BANK1: variants seen among roughly 807,000 people sequenced by gnomAD.
BANK1 encodes the protein B cell scaffold protein with ankyrin repeats 1, also known as B-cell scaffold protein with ankyrin repeats.
In BANK1, 95 loss-of-function variants were observed where a neutral mutation model predicts 94.5. The ratio of observed to expected loss-of-function variants is 1.00; its 90% CI spans 0.85 to 1.19. The LOEUF is 1.19. Ranked by LOEUF, BANK1 falls within the 50% of genes most tolerant of loss-of-function variation. The probability of loss-of-function intolerance (pLI) is 0.00; values close to 1 mark genes in which losing one functional copy is unlikely to be tolerated. For synonymous variants in BANK1, 334 were observed against 308.4 expected, an observed-to-expected ratio of 1.08 and a Z score of -0.87; for missense variants, 987 against 932.2, an observed-to-expected ratio of 1.06 and a Z score of -0.77.
At chr4:101,910,800 A>G (rs1040910473) in intron 6 of BANK1, among the ~76,000 whole-genome samples, 4 of 152,024 alleles carry the variant, frequency 2.6e-5, no homozygotes, top group African/African-American at 4.8e-5. Context: ...ACCCTCAGAA[A>G]TGCTTACAAA....
At chr4:101,880,380 G>T (rs1329885428) in intron 5 of BANK1, among the ~76,000 whole-genome samples, 1 of 151,792 alleles carries the variant, frequency 6.6e-6, no homozygotes, top group Non-Finnish European at 1.5e-5. Flanking sequence ...AACCAAAAAA[G>T]TGAAAGATAT....
At chr4:102,017,721 T>C (rs1402430795) in intron 7 of BANK1, among the ~76,000 whole-genome samples, 1 of 152,234 alleles carries the variant, frequency 6.6e-6, no homozygotes, top group Admixed American at 6.5e-5. Flanking sequence ...TTTCCTGTTG[T>C]GCTGAATGAG....
chr4:101,982,327 A>G (rs974580774), intron 7 of BANK1, among the ~76,000 whole-genome samples: 6 of 151,878 alleles, frequency 4.0e-5, no homozygotes, highest in Non-Finnish European at 8.8e-5. Flanking sequence ...ATAAATTGGC[A>G]TTGATGGTCT....
intron 15 of BANK1, among the ~76,000 whole-genome samples, chr4:102,073,038 C>T (rs928653498): frequency 1.3e-5 from 2 of 152,000 alleles, no homozygotes; most frequent in South Asian, 2.1e-4. Context: ...TTGCTAAAAT[C>T]CTGAATTAGA....
intron 10 of BANK1, among the ~76,000 whole-genome samples, chr4:102,034,049 G>C (rs1727415683): frequency 2.0e-5 from 3 of 150,838 alleles, no homozygotes; most frequent in Admixed American, 2.0e-4. Flanking sequence ...TTTTCCCCTA[G>C]CTTGGGCAGA....
intron 2 of BANK1, among the ~76,000 whole-genome samples, chr4:101,847,280 C>T (rs1727284828): frequency 6.6e-6 from 1 of 151,732 alleles, no homozygotes; most frequent in South Asian, 2.1e-4. Flanking sequence ...AAGAATAGTA[C>T]TGGCACATAG....
chr4:101,908,410 A>G (rs1459134504), intron 6 of BANK1, among the ~76,000 whole-genome samples: 1 of 152,228 alleles, frequency 6.6e-6, no homozygotes, highest in Non-Finnish European at 1.5e-5. Flanking sequence ...TTAAATCAAG[A>G]TGGATTAAAG....
At chr4:101,870,451 A>G (rs929379433) in intron 4 of BANK1, 54 bp from the exon 5 acceptor site, 84 of 1,459,658 alleles carry the variant, frequency 5.8e-5, no homozygotes, top group Non-Finnish European at 7.4e-5. Context: ...AAGATGTAAT[A>G]GTATGAATAT....
At chr4:101,893,992 A>T (rs1363500880) in intron 5 of BANK1, among the ~76,000 whole-genome samples, 1 of 151,952 alleles carries the variant, frequency 6.6e-6, no homozygotes, top group Non-Finnish European at 1.5e-5. Flanking sequence ...CCTATATGCA[A>T]TTTGTTTGTT....
At chr4:101,999,661 A>G (rs1450086406) in intron 7 of BANK1, among the ~76,000 whole-genome samples, 1 of 152,236 alleles carries the variant, frequency 6.6e-6, no homozygotes, top group Non-Finnish European at 1.5e-5. Context: ...CTTACAGTTA[A>G]ATAGGTGAAA....
At chr4:101,932,580 A>G (rs1394018009) in intron 7 of BANK1, among the ~76,000 whole-genome samples, 1 of 151,534 alleles carries the variant, frequency 6.6e-6, no homozygotes, top group East Asian at 1.9e-4. Context: ...CAGCTTGGAT[A>G]GCTTCTAAAA....
At chr4:102,057,542 G>C (rs1477482375) in intron 11 of BANK1, among the ~76,000 whole-genome samples, 1 of 151,984 alleles carries the variant, frequency 6.6e-6, no homozygotes, top group East Asian at 1.9e-4. Flanking sequence ...TGTTACCCAG[G>C]CTGGTCTGGA....
intron 7 of BANK1, among the ~76,000 whole-genome samples, chr4:101,961,252 C>T (rs1428830514): frequency 6.6e-6 from 1 of 152,154 alleles, no homozygotes; most frequent in Non-Finnish European, 1.5e-5. Flanking sequence ...TTAGTGGACA[C>T]ACATGTTTAA....
rs953393172 is a variant in BANK1 at position 101,829,621 on chromosome 4, A to G, written c.71-187A>G. Among the ~76,000 whole-genome samples, 4 of 152,014 alleles carry G rather than the reference A, an allele frequency of 2.6e-5. No homozygotes were observed. In the South Asian group the frequency reaches 8.3e-4, roughly 32 times the overall value. ...ATCATTCTTTTTAAAATTTAAATCA[A>G]CTTGTCTTTGAATTCTAGTTTTATT... On this transcript the variant is annotated intron_variant, in intron 1 of 16. Coordinates refer to ENST00000322953, the MANE Select transcript of BANK1 (RefSeq NM_017935.5).
At chr4:101,978,831 A>G (rs1184053044) in intron 7 of BANK1, among the ~76,000 whole-genome samples, 1 of 152,082 alleles carries the variant, frequency 6.6e-6, no homozygotes, top group African/African-American at 2.4e-5. Context: ...CACCAAATTT[A>G]TGTCACACTT....
rs774992088 is a variant in BANK1 at position 102,025,254 on chromosome 4, G to A, written c.1339G>A (p.Ala447Thr). 3.7e-6 allele frequency: 6 copies of A among 1,614,174 alleles called. No individual in the cohort carries two copies. The Admixed American group carries it at 6.7e-5, about 18-fold the overall frequency. Residue 447 changes from alanine (A) to threonine (T), a missense_variant, in exon 9 of 17, where the codon GCA becomes ACA. Transcript: ENST00000322953. ...HESRKTYGQS[A>T]DGAEANEMEG... Reference sequence around the variant, plus strand: ...AAGCAGGAAGACATACGGGCAGAGTGCAGATGGAGCTGAGGCAAATGAAAT... The same window carrying A: ...AAGCAGGAAGACATACGGGCAGAGTACAGATGGAGCTGAGGCAAATGAAAT...
At chr4:101,793,560 A>C (rs980542840) in intron 1 of BANK1, among the ~76,000 whole-genome samples, 1 of 152,192 alleles carries the variant, frequency 6.6e-6, no homozygotes, top group African/African-American at 2.4e-5. Context: ...TGCAATATCT[A>C]TCTGAGGATG....
intron 13 of BANK1, among the ~76,000 whole-genome samples, chr4:102,063,387 A>T (rs1002678417): frequency 2.6e-5 from 4 of 151,816 alleles, no homozygotes; most frequent in South Asian, 2.1e-4. Flanking sequence ...TCTGGTTCAT[A>T]ATGAAAGTTC....
At chr4:101,896,709 C>T (rs1437511243) in intron 6 of BANK1, among the ~76,000 whole-genome samples, 2 of 151,320 alleles carry the variant, frequency 1.3e-5, no homozygotes, top group African/African-American at 4.9e-5. Flanking sequence ...AAATAATATA[C>T]ATGTATTTAT....
Sources: allele counts gnomAD v4.1 joint callset (sites outside exome capture counted in the v4.1 genomes callset), GRCh38; gene constraint gnomAD v4.1.1; transcripts MANE v1.5; gene names NCBI Gene and HGNC (gene_info 2026-07-23, HGNC 2026-07-21).